LAMA2: variants seen among roughly 807,000 people sequenced by gnomAD.
LAMA2 encodes laminin subunit alpha 2, also known as laminin subunit alpha-2.
In LAMA2, 269 loss-of-function variants were observed where a neutral mutation model predicts 364.8. The ratio of observed to expected loss-of-function variants is 0.74; its 90% confidence interval spans 0.67 to 0.82. LAMA2 has a LOEUF of 0.82. Ranked by LOEUF, LAMA2 falls within the 40% of genes least tolerant of loss-of-function variation. The pLI is 0.00. For synonymous variants in LAMA2, 1,379 were observed against 1,370.6 expected (o/e 1.01, Z -0.14); for missense variants, 3,807 against 3,873.2 (o/e 0.98, Z 0.45).
In LAMA2 at chr6:129,466,209, G is replaced by A. The variant is rs541538383; in HGVS notation, c.7300+920G>A. On this transcript the variant is annotated intron_variant, in intron 51 of 64. Transcript: ENST00000421865. ...GCCTTCAAGGAACTTGCATCGAACTGGGGAGATAGACAAGTATCAATGGTT... is the reference window on the plus strand; with the variant it reads ...GCCTTCAAGGAACTTGCATCGAACTAGGGAGATAGACAAGTATCAATGGTT... 7.2e-5 allele frequency among the ~76,000 whole-genome samples: 11 copies of A among 152,042 alleles called. 1 individual carries two copies. In the South Asian group the frequency reaches 2.1e-3, roughly 29 times the overall value.
At chr6:129,147,895 C>G (rs1778563692) in intron 6 of LAMA2, among the ~76,000 whole-genome samples, 1 of 151,904 alleles carries the variant, frequency 6.6e-6, no homozygotes, top group South Asian at 2.1e-4. Context: ...TGCTTTCTGC[C>G]TGGTATGGGT....
intron 56 of LAMA2, among the ~76,000 whole-genome samples, chr6:129,489,095 A>G (rs551753676): frequency 3.9e-5 from 6 of 152,334 alleles, no homozygotes; most frequent in Non-Finnish European, 7.3e-5. Context: ...GTGTGACCAT[A>G]AAGGTTTATA....
At chr6:129,266,971 T>C (rs1436343962) in intron 15 of LAMA2, 135 bp from the exon 16 acceptor site, 15 of 747,942 alleles carry the variant, frequency 2.0e-5, no homozygotes, top group South Asian at 1.9e-4. Context: ...GTTTCAATAA[T>C]GGCAATGCTT....
chr6:129,208,337 A>T (rs1165235738), intron 12 of LAMA2, among the ~76,000 whole-genome samples: 1 of 152,152 alleles, frequency 6.6e-6, no homozygotes, highest in Non-Finnish European at 1.5e-5. Flanking sequence ...TGCAGTACTC[A>T]AGATGGTGTC....
intron 3 of LAMA2, among the ~76,000 whole-genome samples, chr6:129,084,930 C>T (rs888703938): frequency 6.6e-6 from 1 of 152,032 alleles, no homozygotes. Context: ...ACATGGTGTT[C>T]TGTTATCCAG....
At chr6:128,944,576 C>T (rs920283508) in intron 1 of LAMA2, among the ~76,000 whole-genome samples, 11 of 151,038 alleles carry the variant, frequency 7.3e-5, no homozygotes, top group African/African-American at 2.0e-4. Flanking sequence ...GAGCAGACCA[C>T]GATGTCAGGA....
chr6:129,292,763 C>T (rs1223703157), intron 20 of LAMA2: 18 of 972,856 alleles, frequency 1.9e-5, no homozygotes, highest in Non-Finnish European at 2.1e-5. Flanking sequence ...TATCATTGCT[C>T]TGTTTTGTTT....
Position 129,313,002 on chromosome 6 carries a change from T to C in LAMA2, c.3316T>C (p.Cys1106Arg), listed in dbSNP as rs1217391415. The part of the protein sequence containing the change: ...GHWNYPRCNL[C>R]DCFLPGTDAT... The stretch of plus-strand genomic sequence containing the variant: ...CTGGAACTACCCTCGCTGCAATCTC[T>C]GTGACTGCTTCCTCCCTGGGACAGA... The change falls in exon 23 of 65, where the codon TGT becomes CGT. Residue 1106 changes from cysteine (C) to arginine (R), a missense_variant. This residue lies in a region of LAMA2 where 3,333 missense variants were observed against 3,345.7 expected (regional missense o/e 1.00). Transcript: ENST00000421865. 6.2e-7 allele frequency: 1 copy of C among 1,614,202 alleles called. No homozygotes were observed. The highest frequency in any genetic ancestry group is 8.5e-7 in the Non-Finnish European group (1 of 1,180,000).
intron 29 of LAMA2, among the ~76,000 whole-genome samples, chr6:129,337,188 T>C (rs1408445687): frequency 6.6e-6 from 1 of 152,230 alleles, no homozygotes; most frequent in Non-Finnish European, 1.5e-5. Flanking sequence ...TAGCAATTCA[T>C]GTGAAGTAAG....
intron 61 of LAMA2, 151 bp downstream of exon 61, chr6:129,505,506 A>ATTTG (rs558876015): frequency 6.5e-5 from 45 of 691,966 alleles, no homozygotes; most frequent in Middle Eastern, 4.0e-4. Flanking sequence ...TTTGTTGTTT[A>ATTTG]TTTGTTTGTT....
chr6:129,492,054 A>G lies in LAMA2; in HGVS notation c.8052A>G (p.Ile2684Met), dbSNP rs201984588. The G allele has an allele frequency of 2.4e-5, 39 of 1,613,934 alleles. No homozygotes were observed. The highest frequency in any genetic ancestry group is 3.0e-5 in the Non-Finnish European group (35 of 1,179,884). The part of the protein sequence containing the change: ...LRNIPPFEGC[I>M]WNLVINSVPM... ...ATATTCCTCCTTTTGAAGGCTGCATATGGAATCTTGTTATTAACTCTGTGT... is the reference window on the plus strand; with the variant it reads ...ATATTCCTCCTTTTGAAGGCTGCATGTGGAATCTTGTTATTAACTCTGTGT... Residue 2684 changes from isoleucine to methionine, a missense_variant, in exon 57 of 65, where the codon ATA becomes ATG. Around this residue, in one of 3 missense-constraint regions of LAMA2, gnomAD observed 3,333 missense variants for 3,345.7 expected, o/e 1.00. Transcript: ENST00000421865.
chr6:129,454,151 C>G lies in LAMA2; in HGVS notation c.6574-4C>G. On this transcript the variant is annotated splice_region_variant and splice_polypyrimidine_tract_variant and intron_variant, in intron 46 of 64. Transcript: ENST00000421865. ...TCTCTTGTTTTTGTATTTCTCTGAA[C>G]TAGATTGACTTTCTGGCTATAGAAA... 6.2e-7 allele frequency: 1 copy of G among 1,611,394 alleles called. No individual in the cohort carries two copies. The highest frequency in any genetic ancestry group is 8.5e-7 in the Non-Finnish European group (1 of 1,177,856).
intron 21 of LAMA2, among the ~76,000 whole-genome samples, chr6:129,298,148 C>A (rs1446257629): frequency 1.3e-5 from 2 of 152,286 alleles, no homozygotes; most frequent in Non-Finnish European, 2.9e-5. Flanking sequence ...TCAAACACTG[C>A]TACGGCTTGA....
chr6:129,385,321 A>T (rs376993241), intron 35 of LAMA2, among the ~76,000 whole-genome samples: 11,338 of 142,492 alleles, frequency 0.08, 546 homozygotes, highest in Admixed American at 0.14. Flanking sequence ...GGAAGGAAGG[A>T]AGGAAGGAAG....
chr6:129,228,205 C>A (rs7771688), intron 12 of LAMA2, among the ~76,000 whole-genome samples: 3 of 152,010 alleles, frequency 2.0e-5, no homozygotes, highest in African/African-American at 7.3e-5. Flanking sequence ...TGGGAGTGAC[C>A]CGATTTTCCA....
At chr6:129,382,680 TA>T (rs1306753602) in intron 34 of LAMA2, among the ~76,000 whole-genome samples, 1 of 152,190 alleles carries the variant, frequency 6.6e-6, no homozygotes, top group Admixed American at 6.5e-5. Context: ...AACAAATCTA[TA>T]GGATCAAGCT....
intron 40 of LAMA2, among the ~76,000 whole-genome samples, chr6:129,418,858 AG>A (rs1435729990): frequency 2.6e-5 from 4 of 152,152 alleles, no homozygotes; most frequent in African/African-American, 9.7e-5. Context: ...CTTAATTTTC[AG>A]AATTTATTTA....
At chr6:129,361,388 G>A (rs753210776) in intron 32 of LAMA2, among the ~76,000 whole-genome samples, 8 of 152,154 alleles carry the variant, frequency 5.3e-5, no homozygotes, top group Non-Finnish European at 1.0e-4. Context: ...GTCAGTTATC[G>A]ATTGTATCAG....
intron 21 of LAMA2, among the ~76,000 whole-genome samples, chr6:129,298,761 C>T (rs1044855325): frequency 2.6e-5 from 4 of 152,166 alleles, no homozygotes; most frequent in African/African-American, 7.2e-5. Flanking sequence ...ATCTTTCAGA[C>T]ATTCTCCAGC....
Sources: gnomAD v4.1 joint callset for allele counts (sites outside exome capture counted in the v4.1 genomes callset) on GRCh38, gnomAD v4.1.1 for gene constraint, gnomAD v4.1.1 regional missense constraint, MANE v1.5 for transcripts, NCBI Gene and HGNC (gene_info 2026-07-23, HGNC 2026-07-21) for gene names.